Variants in STON2 observed in about 807,000 individuals in gnomAD.
The protein encoded by STON2 is stonin-2.
STON2 carries 29 observed loss-of-function variants against 65.7 expected under a neutral mutation model. The ratio of observed to expected loss-of-function variants is 0.44; its 90% CI spans 0.33 to 0.60. The LOEUF (loss-of-function observed/expected upper bound fraction) is 0.60, where lower values mean the gene tolerates loss of function less well. STON2 is among the 20% of genes least tolerant of loss of function. The pLI, the probability that STON2 is intolerant of heterozygous loss-of-function variation, is 0.03. For synonymous variants in STON2, 404 were observed against 414.2 expected (o/e 0.98, Z 0.30); for missense variants, 1,054 against 1,118.1 (o/e 0.94, Z 0.82).
At chr14:81,429,700 G>A (rs1316819185) in intron 1 of STON2, among the ~76,000 whole-genome samples, 4 of 152,136 alleles carry the variant, frequency 2.6e-5, no homozygotes, top group East Asian at 1.9e-4. Flanking sequence ...TTGGGAGGCC[G>A]AGGCAGGTGG....
At chr14:81,387,551 G>C (rs536409867) in intron 3 of STON2, among the ~76,000 whole-genome samples, 1 of 152,184 alleles carries the variant, frequency 6.6e-6, no homozygotes, top group East Asian at 1.9e-4. Context: ...GTAAACTCAG[G>C]TCTGAAGAAC....
rs1436900535 is a variant in STON2, at chr14:81,334,687, G to A, written c.572-10500C>T. ...TGTTGTTACTTCTCCAAGTGAAGCT[G>A]AGCAGAAAACTACTGGCAATCCCAA... On this transcript the variant is annotated intron_variant, in intron 4 of 7. Coordinates refer to ENST00000614646, the MANE Select transcript of STON2 (RefSeq NM_001394390.1). Among the ~76,000 whole-genome samples the A allele has an allele frequency of 5.3e-5, 8 of 152,176 alleles. No individual in the cohort carries two copies. In the South Asian group the frequency reaches 1.0e-3, roughly 20 times the overall value.
intron 2 of STON2, among the ~76,000 whole-genome samples, chr14:81,409,441 ATATATT>A (rs1023906055): frequency 2.0e-5 from 3 of 150,496 alleles, no homozygotes; most frequent in East Asian, 1.9e-4. Flanking sequence ...ATATATATAT[ATATATT>A]TACTTATTTA....
chr14:81,318,998 A>G (rs1477083791), intron 5 of STON2, among the ~76,000 whole-genome samples: 2 of 152,236 alleles, frequency 1.3e-5, no homozygotes, highest in Non-Finnish European at 2.9e-5. Context: ...TGTGGCTTGT[A>G]GCCCCATCTC....
intron 4 of STON2, among the ~76,000 whole-genome samples, chr14:81,360,294 A>T (rs1200358649): frequency 6.6e-6 from 1 of 152,234 alleles, no homozygotes; most frequent in Non-Finnish European, 1.5e-5. Flanking sequence ...ATACTGGCAA[A>T]CTAAATTTAA....
At chr14:81,320,878 A>G (rs1896798725) in intron 5 of STON2, among the ~76,000 whole-genome samples, 1 of 152,150 alleles carries the variant, frequency 6.6e-6, no homozygotes, top group South Asian at 2.1e-4. Flanking sequence ...AAGAAGAAAC[A>G]TTACAGGAAA....
chr14:81,278,096 G>A lies in STON2; in HGVS notation c.1386C>T (p.Asp462=). 1.2e-6 allele frequency: 2 copies of A among 1,614,176 alleles called. No individual in the cohort carries two copies. The highest frequency in any genetic ancestry group is 1.6e-4 in the Middle Eastern group (1 of 6,062). ...CATCTAGTTCAATCCAGGCTACTGG[G>A]TCATCATCAGGTAGAGTTGCACTGC... ...HFGSATLPDD[D]PVAWIELDAH... Residue 462 remains aspartate (D), a synonymous_variant, in exon 6 of 8, where the codon GAC becomes GAT. Transcript: ENST00000614646.
chr14:81,382,802 C>T (rs1185931552), intron 3 of STON2, among the ~76,000 whole-genome samples: 1 of 152,098 alleles, frequency 6.6e-6, no homozygotes, highest in African/African-American at 2.4e-5. Flanking sequence ...CACATCGGCT[C>T]CTTACATTTG....
At chr14:81,392,797 G>A (rs905701592) in intron 3 of STON2, among the ~76,000 whole-genome samples, 15 of 151,830 alleles carry the variant, frequency 9.9e-5, no homozygotes, top group Non-Finnish European at 1.6e-4. Flanking sequence ...ACATACTCAA[G>A]AATCACAATT....
intron 3 of STON2, 100 bp downstream of exon 3, chr14:81,395,793 AG>A (rs1900284479): frequency 8.3e-7 from 1 of 1,200,568 alleles, no homozygotes; most frequent in East Asian, 2.3e-5. Context: ...CTTCAGGGTT[AG>A]GGGGCAGATG....
intron 4 of STON2, among the ~76,000 whole-genome samples, chr14:81,348,978 C>T (rs1897921591): frequency 6.6e-6 from 1 of 152,080 alleles, no homozygotes; most frequent in South Asian, 2.1e-4. Flanking sequence ...GTGTTAAGAA[C>T]ATATATTGGG....
chr14:81,276,584 T>TC (rs1491581251), intron 6 of STON2, among the ~76,000 whole-genome samples: 4 of 152,204 alleles, frequency 2.6e-5, no homozygotes, highest in African/African-American at 9.7e-5. Flanking sequence ...GCACCACAGC[T>TC]AATACGTTAA....
chr14:81,283,058 G>A (rs1895187540), intron 5 of STON2, among the ~76,000 whole-genome samples: 1 of 151,974 alleles, frequency 6.6e-6, no homozygotes, highest in East Asian at 1.9e-4. Flanking sequence ...ATTATGAGTC[G>A]GGCTGCTGCC....
intron 4 of STON2, among the ~76,000 whole-genome samples, chr14:81,363,879 C>T (rs1327700776): frequency 6.6e-6 from 1 of 152,164 alleles, no homozygotes; most frequent in Non-Finnish European, 1.5e-5. Flanking sequence ...AATCTGGGCC[C>T]TCCACTCTGG....
At chr14:81,375,090 T>C (rs1035042345) in intron 3 of STON2, among the ~76,000 whole-genome samples, 6 of 151,796 alleles carry the variant, frequency 4.0e-5, no homozygotes, top group South Asian at 2.1e-4. Flanking sequence ...AAAATAACTA[T>C]GAAGTTAGAA....
intron 4 of STON2, among the ~76,000 whole-genome samples, chr14:81,354,927 T>C (rs952192237): frequency 4.0e-5 from 6 of 151,732 alleles, no homozygotes; most frequent in African/African-American, 1.5e-4. Flanking sequence ...TGAAGCAGAA[T>C]TGCTTGAACC....
chr14:81,348,583 T>C (rs1285900682), intron 4 of STON2, among the ~76,000 whole-genome samples: 1 of 151,978 alleles, frequency 6.6e-6, no homozygotes. Flanking sequence ...AACCATTGAT[T>C]AAAGAAATTG....
In STON2 at chr14:81,433,441, T is replaced by C. The variant is rs747009460; in HGVS notation, c.-310+2880A>G. The stretch of plus-strand genomic sequence containing the variant: ...GGCTGCTCCCTGCCAATGGATAAAG[T>C]CCCAATCCCCTGGCACCCGACCCAG... On this transcript the variant is annotated intron_variant, in intron 1 of 8. Transcript: ENST00000553821. 5.3e-4 allele frequency among the ~76,000 whole-genome samples: 80 copies of C among 152,260 alleles called. 1 individual carries two copies. The highest frequency in any genetic ancestry group is 9.1e-4 in the Non-Finnish European group (62 of 68,014).
chr14:81,287,206 T>A (rs1380093912), intron 5 of STON2, among the ~76,000 whole-genome samples: 3 of 152,172 alleles, frequency 2.0e-5, no homozygotes, highest in African/African-American at 7.2e-5. Flanking sequence ...ATCTACTTAG[T>A]CATAACAAAA....
Sources: allele counts gnomAD v4.1 joint callset (sites outside exome capture counted in the v4.1 genomes callset), GRCh38; gene constraint gnomAD v4.1.1; transcripts MANE v1.5; gene names NCBI Gene and HGNC (gene_info 2026-07-23, HGNC 2026-07-21).